The following SVIL variants were observed in gnomAD, a reference collection of about 807,000 sequenced individuals.
The protein encoded by SVIL is supervillin.
SVIL carries 101 observed loss-of-function variants against 240.4 expected under a neutral mutation model. The observed-to-expected ratio is 0.42, with a 90% confidence interval of 0.36 to 0.50. The LOEUF (loss-of-function observed/expected upper bound fraction) is 0.50. SVIL is among the 20% of genes least tolerant of loss of function. The pLI is 0.01. For synonymous variants in SVIL, 999 were observed against 1,100.0 expected (o/e 0.91, Z 1.82); for missense variants, 2,512 against 2,818.7 (o/e 0.89, Z 2.46).
intron 3 of SVIL, among the ~76,000 whole-genome samples, chr10:29,646,264 G>A (rs1185636070): frequency 1.3e-5 from 2 of 152,186 alleles, no homozygotes; most frequent in African/African-American, 4.8e-5. Flanking sequence ...TGTGCAGGCT[G>A]TTCCACATGC....
At chr10:29,543,412 G>C (rs1287009522) in intron 6 of SVIL, among the ~76,000 whole-genome samples, 1 of 152,142 alleles carries the variant, frequency 6.6e-6, no homozygotes, top group Non-Finnish European at 1.5e-5. Context: ...TTTCATTAAT[G>C]TCCCCCAAGA....
At chr10:29,541,250 A>C (rs779828346) in intron 6 of SVIL, among the ~76,000 whole-genome samples, 1 of 152,240 alleles carries the variant, frequency 6.6e-6, no homozygotes, top group South Asian at 2.1e-4. Context: ...TTTATACAAC[A>C]TAATGAGTTG....
chr10:29,714,048 T>C (rs1383214159), intron 1 of SVIL, among the ~76,000 whole-genome samples: 1 of 152,188 alleles, frequency 6.6e-6, no homozygotes, highest in Non-Finnish European at 1.5e-5. Flanking sequence ...TGGGAAGCAA[T>C]GTCATCATCT....
At chr10:29,593,033 G>C (rs1956449771) in intron 1 of SVIL, among the ~76,000 whole-genome samples, 1 of 152,104 alleles carries the variant, frequency 6.6e-6, no homozygotes, top group Admixed American at 6.6e-5. Flanking sequence ...CACATTGAAA[G>C]CTATCAAATA....
At chr10:29,709,897 G>A (rs1248735895) in intron 1 of SVIL, among the ~76,000 whole-genome samples, 1 of 152,094 alleles carries the variant, frequency 6.6e-6, no homozygotes, top group African/African-American at 2.4e-5. Flanking sequence ...GGGCTAGCAT[G>A]CAGCTCCTCC....
chr10:29,463,275 GTTC>G (rs989259669), intron 35 of SVIL, among the ~76,000 whole-genome samples: 36 of 152,316 alleles, frequency 2.4e-4, no homozygotes, highest in African/African-American at 6.0e-4. Context: ...AGAAAAACTA[GTTC>G]TTCTTCATGC....
At chr10:29,497,281 C>T (rs914735308) in intron 18 of SVIL, among the ~76,000 whole-genome samples, 1 of 152,110 alleles carries the variant, frequency 6.6e-6, no homozygotes, top group African/African-American at 2.4e-5. Flanking sequence ...AAAAGCTAAG[C>T]CTCTATATTT....
intron 1 of SVIL, among the ~76,000 whole-genome samples, chr10:29,589,595 G>A (rs1407123341): frequency 1.3e-5 from 2 of 152,134 alleles, no homozygotes; most frequent in African/African-American, 4.8e-5. Context: ...GGCTGTTTGA[G>A]CCCTAATTGG....
At chr10:29,688,321 C>T (rs1469878184) in intron 1 of SVIL, among the ~76,000 whole-genome samples, 3 of 152,190 alleles carry the variant, frequency 2.0e-5, no homozygotes, top group South Asian at 2.1e-4. Context: ...ACCAGTGCAA[C>T]GTCAGAAGCC....
intron 1 of SVIL, among the ~76,000 whole-genome samples, chr10:29,606,570 T>C (rs546765233): frequency 6.6e-6 from 1 of 152,190 alleles, no homozygotes; most frequent in South Asian, 2.1e-4. Context: ...CATTTTAAAA[T>C]TATGAATATT....
At chr10:29,622,424 T>C (rs192571080) in intron 1 of SVIL, among the ~76,000 whole-genome samples, 2 of 152,204 alleles carry the variant, frequency 1.3e-5, no homozygotes, top group African/African-American at 4.8e-5. Flanking sequence ...TGTCAGAGGT[T>C]TATGAGTTGC....
chr10:29,710,496 C>T (rs2132666178), intron 1 of SVIL, among the ~76,000 whole-genome samples: 1 of 152,308 alleles, frequency 6.6e-6, no homozygotes, highest in South Asian at 2.1e-4. Flanking sequence ...CACCCACTGA[C>T]TACCAAACTC....
At chr10:29,696,202 C>T (rs1961976680) in intron 1 of SVIL, among the ~76,000 whole-genome samples, 1 of 151,928 alleles carries the variant, frequency 6.6e-6, no homozygotes, top group African/African-American at 2.4e-5. Context: ...GTTCCGCCAG[C>T]CTCGGCCTCC....
intron 3 of SVIL, chr10:29,647,064 C>T (rs1012494741): frequency 6.6e-6 from 1 of 152,190 alleles, no homozygotes; most frequent in Admixed American, 6.5e-5. Flanking sequence ...AAACCCCAAT[C>T]CTCTGCAGGG....
At chr10:29,624,905 A>G (rs1398749338) in intron 1 of SVIL, among the ~76,000 whole-genome samples, 1 of 152,212 alleles carries the variant, frequency 6.6e-6, no homozygotes. Context: ...TGTGAAGGAC[A>G]AATGTTGAAA....
chr10:29,545,063 G>C (rs533559147), intron 6 of SVIL: 2 of 534,654 alleles, frequency 3.7e-6, no homozygotes, highest in East Asian at 5.5e-5. Flanking sequence ...CCTGCTAGTG[G>C]ACACGAGAGC....
intron 16 of SVIL, among the ~76,000 whole-genome samples, chr10:29,513,448 A>G (rs1564549094): frequency 6.6e-6 from 1 of 152,304 alleles, no homozygotes; most frequent in South Asian, 2.1e-4. Flanking sequence ...AGGCACAAGA[A>G]TCGCTTGAAC....
At chr10:29,680,095 G>T (rs1007892475) in intron 2 of SVIL, among the ~76,000 whole-genome samples, 1 of 152,142 alleles carries the variant, frequency 6.6e-6, no homozygotes, top group African/African-American at 2.4e-5. Flanking sequence ...TTAGGTGGGA[G>T]GATCTCTTAA....
At chr10:29,549,681 A>G (rs1953048307) in intron 6 of SVIL, among the ~76,000 whole-genome samples, 1 of 141,420 alleles carries the variant, frequency 7.1e-6, no homozygotes, top group African/African-American at 2.6e-5. Flanking sequence ...ACCATGGAAT[A>G]CTATGCAGCC....
Sources: allele counts gnomAD v4.1 joint callset (sites outside exome capture counted in the v4.1 genomes callset), GRCh38; gene constraint gnomAD v4.1.1; transcripts MANE v1.5; gene names NCBI Gene and HGNC (gene_info 2026-07-23, HGNC 2026-07-21).